FN3KRP: variants seen among roughly 807,000 people sequenced by gnomAD.
The protein encoded by FN3KRP is ketosamine-3-kinase.
FN3KRP carries 33 observed loss-of-function variants against 29.8 expected under a neutral mutation model. That is an observed-to-expected ratio of 1.11 (90% confidence interval 0.84 to 1.48). FN3KRP has a LOEUF of 1.48. Among genes scored for constraint, FN3KRP ranks in the 40% most tolerant of loss-of-function variants. The probability of loss-of-function intolerance (pLI) is 0.00; values close to 1 mark genes in which losing one functional copy is unlikely to be tolerated. For missense variants in FN3KRP, 430 were observed against 402.6 expected (o/e 1.07, Z -0.58); for synonymous variants, 157 against 155.2 (o/e 1.01, Z -0.09).
chr17:82,722,083 C>T (rs1235190291), intron 3 of FN3KRP, among the ~76,000 whole-genome samples: 1 of 151,856 alleles, frequency 6.6e-6, no homozygotes, highest in Non-Finnish European at 1.5e-5. Context: ...ATCCACCTGC[C>T]TTGGCCTCCC....
intron 4 of FN3KRP, 116 bp downstream of exon 4, chr17:82,723,002 T>G: frequency 9.8e-6 from 9 of 914,136 alleles, no homozygotes; most frequent in Non-Finnish European, 1.5e-5. Context: ...ATTTGCACCA[T>G]TTTTTCTTTG....
intron 4 of FN3KRP, among the ~76,000 whole-genome samples, chr17:82,726,168 G>A (rs757802688): frequency 2.0e-5 from 3 of 151,996 alleles, no homozygotes; most frequent in Non-Finnish European, 4.4e-5. Context: ...CAATGAGAGC[G>A]AAACTCTATC....
In FN3KRP at chr17:82,727,914, T is replaced by C. The variant is rs769835685; in HGVS notation, c.*743T>C. 6.6e-5 allele frequency: 10 copies of C among 152,196 alleles called. No individual in the cohort carries two copies. The highest frequency in any genetic ancestry group is 1.2e-4 in the Non-Finnish European group (8 of 68,034). 9.4% of individuals were successfully genotyped at this position (152,196 alleles called of 1,614,324 possible). A position where few individuals can be genotyped will look rare whatever the true frequency, so the allele number is the denominator to read the frequency against. Reference sequence around the variant, plus strand: ...TACATGCTGAACTCATATTTTTCCTTCCTTCACTGTTGTAGTAAAGAGACA... The same window carrying C: ...TACATGCTGAACTCATATTTTTCCTCCCTTCACTGTTGTAGTAAAGAGACA... On this transcript the variant is annotated 3_prime_UTR_variant, in exon 6 of 6. Coordinates refer to ENST00000269373, the MANE Select transcript of FN3KRP (RefSeq NM_024619.4).
At chr17:82,719,951 G>C (rs1220374495) in intron 2 of FN3KRP, among the ~76,000 whole-genome samples, 1 of 152,202 alleles carries the variant, frequency 6.6e-6, no homozygotes, top group African/African-American at 2.4e-5. Flanking sequence ...GATGACTTGA[G>C]GTCAGAGTTT....
At position 82,719,070 on chromosome 17, in the gene FN3KRP, A is replaced by ACCACCC. The variant is rs2046780305; in HGVS notation, c.293+16_293+21dup. On this transcript the variant is annotated intron_variant, in intron 2 of 5. Coordinates refer to ENST00000269373, the MANE Select transcript of FN3KRP (RefSeq NM_024619.4). Reference sequence around the variant, plus strand: ...GGCATCTGAGCAGGTGCATCTTCACACCACCCCCCACCTGGCTTTATTACC... The same window carrying ACCACCC: ...GGCATCTGAGCAGGTGCATCTTCACACCACCCCCACCCCCCACCTGGCTTTATTACC... The ACCACCC allele has an allele frequency of 3.2e-6, 5 of 1,566,656 alleles. No individual in the cohort carries two copies. Among genetic ancestry groups the ACCACCC allele is most frequent in the African/African-American group, 1.4e-5 (1 of 72,372 alleles).
chr17:82,719,025 G>C lies in FN3KRP; in HGVS notation c.261G>C (p.Val87=). ...LDAPGGGSVL[V]MEHMDMRHLS... The stretch of plus-strand genomic sequence containing the variant: ...CCCCAGGCGGCGGGAGCGTGCTGGT[G>C]ATGGAGCACATGGACATGAGGCATC... The change falls in exon 2 of 6, where the codon GTG becomes GTC. Residue 87 remains valine, a synonymous_variant. Coordinates refer to ENST00000269373, the MANE Select transcript of FN3KRP (RefSeq NM_024619.4). 1 of 1,614,114 alleles carries C rather than the reference G, an allele frequency of 6.2e-7. No homozygotes were observed.
intron 2 of FN3KRP, among the ~76,000 whole-genome samples, 161 bp downstream of exon 2, chr17:82,719,218 C>T (rs915984112): frequency 1.3e-5 from 2 of 152,162 alleles, no homozygotes; most frequent in African/African-American, 2.4e-5. Context: ...TGCCCCGCCC[C>T]GGCTGGCTTT....
intron 1 of FN3KRP, among the ~76,000 whole-genome samples, chr17:82,718,141 A>C (rs886509673): frequency 1.6e-5 from 2 of 128,304 alleles, no homozygotes; most frequent in African/African-American, 6.1e-5. Flanking sequence ...GTGTGTCTGT[A>C]TGTGTTGTGT....
At chr17:82,718,133 GTGTC>G (rs938857716) in intron 1 of FN3KRP, among the ~76,000 whole-genome samples, 11 of 151,030 alleles carry the variant, frequency 7.3e-5, no homozygotes, top group East Asian at 3.9e-4. Flanking sequence ...TGTGTGTTGT[GTGTC>G]TGTATGTGTT....
chr17:82,718,393 T>C, intron 1 of FN3KRP: 3 of 987,104 alleles, frequency 3.0e-6, no homozygotes, highest in Non-Finnish European at 3.6e-6. Flanking sequence ...CAAGATGAGG[T>C]GGTTTCCAGT....
In FN3KRP at chr17:82,726,813, C is replaced by T; in HGVS notation, c.592-20C>T. 1.3e-6 allele frequency: 2 copies of T among 1,522,342 alleles called. No individual in the cohort carries two copies. The highest frequency in any genetic ancestry group is 1.8e-6 in the Non-Finnish European group (2 of 1,136,922). 94.3% of individuals were successfully genotyped at this position (1,522,342 alleles called of 1,614,324 possible). A position where few individuals can be genotyped will look rare whatever the true frequency, so the allele number is the denominator to read the frequency against. ...GCACGCGTTGATCAATTTGCTGAGG[C>T]TCCATTTTCCTCCCTGCAGTTAAAG... On this transcript the variant is annotated intron_variant, in intron 5 of 5. Coordinates refer to ENST00000269373, the MANE Select transcript of FN3KRP (RefSeq NM_024619.4).
chr17:82,726,613 C>A lies in FN3KRP; in HGVS notation c.591+11C>A. Reference sequence around the variant, plus strand: ...TGGTCTGCTCTGCAGGTGAGTGGGGCCCCACTGCATGCCCAGCACCTGCCA... The same window carrying A: ...TGGTCTGCTCTGCAGGTGAGTGGGGACCCACTGCATGCCCAGCACCTGCCA... On this transcript the variant is annotated intron_variant, in intron 5 of 5. Coordinates refer to ENST00000269373, the MANE Select transcript of FN3KRP (RefSeq NM_024619.4). 3 of 1,606,898 alleles carry A rather than the reference C, an allele frequency of 1.9e-6. No individual in the cohort carries two copies. Among genetic ancestry groups the A allele is most frequent in the Non-Finnish European group, 2.5e-6 (3 of 1,176,590 alleles).
chr17:82,722,428 T>A (rs1264373482), intron 3 of FN3KRP, among the ~76,000 whole-genome samples: 1 of 152,208 alleles, frequency 6.6e-6, no homozygotes, highest in East Asian at 1.9e-4. Context: ...CATCCTCCCC[T>A]TTGTTTCCTG....
Position 82,718,885 on chromosome 17 carries a change from C to T in FN3KRP, c.142-21C>T, listed in dbSNP as rs767530167. ...ACCTTGCCTCCCTGTATTTCCACTT[C>T]CTCTCGTATTTTTCTGACAGGCCAG... On this transcript the variant is annotated intron_variant, in intron 1 of 5. Coordinates refer to ENST00000269373, the MANE Select transcript of FN3KRP (RefSeq NM_024619.4). 1.7e-5 allele frequency: 28 copies of T among 1,608,736 alleles called. No individual in the cohort carries two copies. In the South Asian group the frequency reaches 3.0e-4, roughly 17 times the overall value.
At chr17:82,725,371 A>G (rs1280999999) in intron 4 of FN3KRP, among the ~76,000 whole-genome samples, 1 of 151,994 alleles carries the variant, frequency 6.6e-6, no homozygotes, top group African/African-American at 2.4e-5. Flanking sequence ...GGCTCAAGTG[A>G]TCCTCCCACC....
At chr17:82,724,737 A>G (rs1442843795) in intron 4 of FN3KRP, among the ~76,000 whole-genome samples, 2 of 152,200 alleles carry the variant, frequency 1.3e-5, no homozygotes, top group Non-Finnish European at 2.9e-5. Flanking sequence ...AGCAGGCCCC[A>G]TGGCACCCTG....
chr17:82,719,867 A>T (rs1399580110), intron 2 of FN3KRP, among the ~76,000 whole-genome samples: 1 of 151,944 alleles, frequency 6.6e-6, no homozygotes, highest in Non-Finnish European at 1.5e-5. Context: ...TCTGTCCTCA[A>T]AATGTCCGAC....
At chr17:82,724,852 A>G (rs1410638991) in intron 4 of FN3KRP, among the ~76,000 whole-genome samples, 4 of 151,994 alleles carry the variant, frequency 2.6e-5, no homozygotes, top group Admixed American at 1.3e-4. Flanking sequence ...TCTGTCACCC[A>G]GGCTGGAGTG....
At chr17:82,723,035 A>G in intron 4 of FN3KRP, 149 bp downstream of exon 4, 1 of 682,436 alleles carries the variant, frequency 1.5e-6, no homozygotes, top group South Asian at 2.0e-5. Context: ...AGGTTGACGT[A>G]AGATTGACCC....
Sources: allele counts gnomAD v4.1 joint callset (sites outside exome capture counted in the v4.1 genomes callset), GRCh38; gene constraint gnomAD v4.1.1; transcripts MANE v1.5; gene names NCBI Gene and HGNC (gene_info 2026-07-23, HGNC 2026-07-21).